ARHGEF17: variants seen among roughly 807,000 people sequenced by gnomAD.
The protein encoded by ARHGEF17 is Rho guanine nucleotide exchange factor 17.
ARHGEF17 carries 80 observed loss-of-function variants against 174.0 expected under a neutral mutation model. That is an observed-to-expected ratio of 0.46 (90% confidence interval 0.38 to 0.55). ARHGEF17 has a LOEUF of 0.55. Ranked by LOEUF, ARHGEF17 falls within the 20% of genes least tolerant of loss-of-function variation. ARHGEF17 has a pLI of 0.00. For synonymous variants in ARHGEF17, 1,311 were observed against 1,189.1 expected (o/e 1.10, Z -2.11); for missense variants, 2,886 against 2,839.7 (o/e 1.02, Z -0.37).
rs150528563 is a variant in ARHGEF17, at chr11:73,364,842, CTA to C, written c.5550+244_5550+245del. ...AATCTTATTCATCCTCCTGCCCACC[CTA>C]TCTCTCAACTCAGGTTTTAGGGTCC... is the stretch of plus-strand genomic sequence containing the variant. On this transcript the variant is annotated intron_variant, in intron 18 of 20. Transcript: ENST00000263674. The C allele has an allele frequency of 7.6e-3, 3,798 of 502,012 alleles. 46 individuals are homozygous for C. The highest frequency in any genetic ancestry group is 0.034 in the Middle Eastern group (64 of 1,898). The allele number at this position is 502,012 out of a possible 1,614,324, so 31.1% of individuals were successfully genotyped here.
intron 1 of ARHGEF17, among the ~76,000 whole-genome samples, chr11:73,324,042 T>G (rs962729613): frequency 6.6e-6 from 1 of 152,166 alleles, no homozygotes; most frequent in Non-Finnish European, 1.5e-5. Flanking sequence ...CTGCCTCCCT[T>G]TAGAGAGCCA....
chr11:73,362,969 G>T (rs959700198), intron 14 of ARHGEF17, among the ~76,000 whole-genome samples: 2 of 152,234 alleles, frequency 1.3e-5, no homozygotes, highest in Non-Finnish European at 2.9e-5. Flanking sequence ...GGTGCTGGTG[G>T]AGTGGGGACC....
intron 1 of ARHGEF17, among the ~76,000 whole-genome samples, chr11:73,318,997 G>T (rs886462771): frequency 1.6e-4 from 24 of 151,978 alleles, no homozygotes; most frequent in African/African-American, 5.3e-4. Context: ...TCCTTGGCCT[G>T]TGGCCCCTTC....
intron 2 of ARHGEF17, among the ~76,000 whole-genome samples, chr11:73,349,101 G>A (rs1375342715): frequency 6.6e-6 from 1 of 152,196 alleles, no homozygotes; most frequent in Admixed American, 6.5e-5. Flanking sequence ...AGCCATGGGA[G>A]GATGCAGCCA....
At chr11:73,363,476 A>G in intron 15 of ARHGEF17, 21 bp downstream of exon 15, 16 of 1,601,780 alleles carry the variant, frequency 1.0e-5, no homozygotes, top group Non-Finnish European at 1.3e-5. Flanking sequence ...GGGAGGGACT[A>G]GGGACACAGT....
intron 2 of ARHGEF17, 181 bp downstream of exon 2, chr11:73,347,141 C>T: frequency 2.7e-6 from 2 of 730,498 alleles, no homozygotes; most frequent in Non-Finnish European, 4.8e-6. Flanking sequence ...AGGAAGGCTT[C>T]TCCCGGGCAA....
chr11:73,326,002 C>T (rs1187432718), intron 1 of ARHGEF17, among the ~76,000 whole-genome samples: 1 of 152,246 alleles, frequency 6.6e-6, no homozygotes, highest in African/African-American at 2.4e-5. Flanking sequence ...GGATAATTAA[C>T]GCTGAAATAA....
rs1408296704 is a variant in ARHGEF17 at position 73,310,830 on chromosome 11, A to G, written c.2192A>G (p.Tyr731Cys). 6 of 1,612,024 alleles carry G rather than the reference A, an allele frequency of 3.7e-6. No individual in the cohort carries two copies. Among genetic ancestry groups the G allele is most frequent in the East Asian group, 2.2e-5 (1 of 44,868 alleles). Residue 731 changes from tyrosine (Y) to cysteine (C), a missense_variant, in exon 1 of 21, where the codon TAC becomes TGC. Coordinates refer to ENST00000263674, the MANE Select transcript of ARHGEF17 (RefSeq NM_014786.4). ...ELSNGEAGEA[Y>C]RSLSDPIPQR... ...AGCAATGGGGAGGCAGGGGAGGCCT[A>G]CAGGTCCCTGAGTGACCCAATTCCT...
At chr11:73,314,560 G>T (rs925143995) in intron 1 of ARHGEF17, among the ~76,000 whole-genome samples, 2 of 152,242 alleles carry the variant, frequency 1.3e-5, no homozygotes, top group Non-Finnish European at 2.9e-5. Context: ...CCTGCAGGGG[G>T]TGTCAAGTGA....
chr11:73,342,717 G>A (rs1234419999), intron 1 of ARHGEF17, among the ~76,000 whole-genome samples: 1 of 152,096 alleles, frequency 6.6e-6, no homozygotes, highest in African/African-American at 2.4e-5. Context: ...GGTGCGGACG[G>A]AAAGTACATG....
Position 73,363,373 on chromosome 11 carries a change from AC to A in ARHGEF17, c.5167del (p.Arg1723GlyfsTer8). The stretch of plus-strand genomic sequence containing the variant: ...TCGCCGCTCCAGCCACGGCTCCTTC[AC>A]CCGGGGCAGCCTTGAGGACCTGCTG... ...ALRRSSHGSF[T>X]RGSLEDLLSV... is the part of the protein sequence containing the mutation. On this transcript the variant is annotated frameshift_variant, in exon 15 of 21. Transcript: ENST00000263674. LOFTEE classifies it high-confidence loss of function. The A allele has an allele frequency of 6.2e-7, 1 of 1,612,882 alleles. No homozygotes were observed. The highest frequency in any genetic ancestry group is 1.7e-4 in the Middle Eastern group (1 of 6,030).
chr11:73,357,534 A>T (rs1188204489), intron 9 of ARHGEF17, among the ~76,000 whole-genome samples: 4 of 152,190 alleles, frequency 2.6e-5, no homozygotes, highest in Non-Finnish European at 5.9e-5. Flanking sequence ...ACTTCCTTCC[A>T]ACTGGGCAGG....
chr11:73,339,497 GC>G (rs1006709946), intron 1 of ARHGEF17, among the ~76,000 whole-genome samples: 2 of 152,092 alleles, frequency 1.3e-5, no homozygotes, highest in African/African-American at 4.8e-5. Flanking sequence ...CCTGTGTCTA[GC>G]CTTTCTCATC....
intron 1 of ARHGEF17, among the ~76,000 whole-genome samples, chr11:73,315,896 C>A (rs1252814250): frequency 1.3e-5 from 2 of 152,178 alleles, no homozygotes. Context: ...GTCCCCAGCC[C>A]CCTCTCCCCG....
chr11:73,352,067 A>G (rs571815543), intron 2 of ARHGEF17, among the ~76,000 whole-genome samples: 20 of 152,268 alleles, frequency 1.3e-4, no homozygotes, highest in Admixed American at 5.2e-4. Flanking sequence ...TCATGCCTAT[A>G]ATCCCAGCAC....
At position 73,309,537 on chromosome 11, in the gene ARHGEF17, C is replaced by T. The variant is rs1195552060; in HGVS notation, c.899C>T (p.Ser300Phe). The T allele has an allele frequency of 1.3e-6, 2 of 1,588,080 alleles. No individual in the cohort carries two copies. The highest frequency in any genetic ancestry group is 1.1e-5 in the South Asian group (1 of 90,020). Reference protein sequence around the residue: ...GGRPGLRPGSSLLDQDCRPDS... With the variant: ...GGRPGLRPGSFLLDQDCRPDS... ...AGGCCCGGGCTCAGGCCTGGAAGCT[C>T]CCTATTGGATCAGGACTGCAGGCCT... is the stretch of plus-strand genomic sequence containing the variant. The change falls in exon 1 of 21, where the codon TCC (serine) becomes TTC (phenylalanine). Residue 300 changes from serine (S) to phenylalanine (F), a missense_variant. This residue lies in a region of ARHGEF17 where 1,728 missense variants were observed against 1,461.2 expected (regional missense o/e 1.18). Transcript: ENST00000263674.
chr11:73,362,011 C>T (rs894026838), intron 12 of ARHGEF17, 29 bp from the exon 13 acceptor site: 7 of 1,602,666 alleles, frequency 4.4e-6, no homozygotes, highest in Non-Finnish European at 5.1e-6. Flanking sequence ...CTCCATTCAC[C>T]TTCTCCTGTC....
intron 2 of ARHGEF17, among the ~76,000 whole-genome samples, chr11:73,351,304 G>A (rs766924120): frequency 6.7e-6 from 1 of 148,258 alleles, no homozygotes; most frequent in African/African-American, 2.6e-5. Context: ...CATCACATAT[G>A]CTTTTTCAAA....
At position 73,311,338 on chromosome 11, in the gene ARHGEF17, C is replaced by T. The variant is rs759830696; in HGVS notation, c.2700C>T (p.His900=). The part of the protein sequence containing the change: ...PEALPPPATA[H]RNFHLDPKLA... The stretch of plus-strand genomic sequence containing the variant: ...CTCTGCCTCCCCCTGCCACTGCCCA[C>T]CGAAACTTTCACCTTGACCCCAAGC... Residue 900 remains histidine, a synonymous_variant, in exon 1 of 21, where the codon CAC becomes CAT. Coordinates refer to ENST00000263674, the MANE Select transcript of ARHGEF17 (RefSeq NM_014786.4). The T allele has an allele frequency of 7.4e-6, 12 of 1,613,294 alleles. No individual in the cohort carries two copies. In the African/African-American group the frequency reaches 1.1e-4, roughly 14 times the overall value.
Sources: gnomAD v4.1 joint callset for allele counts (sites outside exome capture counted in the v4.1 genomes callset) on GRCh38, gnomAD v4.1.1 for gene constraint, gnomAD v4.1.1 regional missense constraint, MANE v1.5 for transcripts, NCBI Gene and HGNC (gene_info 2026-07-23, HGNC 2026-07-21) for gene names.